The following PPA1 variants were observed in gnomAD, a reference collection of about 807,000 sequenced individuals.
PPA1 encodes the protein inorganic pyrophosphatase.
PPA1 carries 23 observed loss-of-function variants against 41.8 expected under a neutral mutation model. The ratio of observed to expected loss-of-function variants is 0.55; its 90% CI spans 0.40 to 0.78. The LOEUF is 0.78. PPA1 is among the 30% of genes least tolerant of loss of function. The pLI, the probability that PPA1 is intolerant of heterozygous loss-of-function variation, is 0.00. For synonymous variants in PPA1, 101 were observed against 116.8 expected, an observed-to-expected ratio of 0.86 and a Z score of 0.87; for missense variants, 320 against 361.6, an observed-to-expected ratio of 0.89 and a Z score of 0.93.
intron 2 of PPA1, among the ~76,000 whole-genome samples, chr10:70,220,700 TATATA>T (rs1840139263): frequency 8.8e-5 from 1 of 11,410 alleles, no homozygotes; most frequent in African/African-American, 6.5e-4. Context: ...AATTTATATA[TATATA>T]ATATATATAA....
At chr10:70,204,952 T>C (rs758871336) in intron 9 of PPA1, 37 bp from the exon 10 acceptor site, 4 of 1,504,566 alleles carry the variant, frequency 2.7e-6, no homozygotes, top group Non-Finnish European at 3.6e-6. Context: ...TAGTCTAATC[T>C]CATTTTTTAA....
At chr10:70,220,823 T>TATATATATAATTTTTATATATA (rs1491386923) in intron 2 of PPA1, among the ~76,000 whole-genome samples, 758 of 4,198 alleles carry the variant, frequency 0.18, 262 homozygotes, top group East Asian at 0.67. Context: ...TTATATATAT[T>TATATATATAATTTTTATATATA]ATATATATAA....
At chr10:70,209,713 A>C in intron 6 of PPA1, 28 bp from the exon 7 acceptor site, 1 of 1,555,612 alleles carries the variant, frequency 6.4e-7, no homozygotes, top group Non-Finnish European at 8.7e-7. Flanking sequence ...ATAAGATGAC[A>C]GTGAGAATGA....
At chr10:70,231,785 TA>T (rs756464646) in intron 1 of PPA1, among the ~76,000 whole-genome samples, 3 of 149,534 alleles carry the variant, frequency 2.0e-5, no homozygotes, top group Non-Finnish European at 4.4e-5. Context: ...TTCCACTTGA[TA>T]AAAACAGTTA....
intron 2 of PPA1, among the ~76,000 whole-genome samples, chr10:70,219,995 T>G (rs1840119236): frequency 6.6e-6 from 1 of 152,146 alleles, no homozygotes. Context: ...TGGCACAATC[T>G]TGGCTCACTG....
Position 70,213,515 on chromosome 10 carries a change from G to A in PPA1, c.459C>T (p.Asp153=). The change falls in exon 6 of 11, where the codon GAC becomes GAT. Residue 153 remains aspartate (D), a synonymous_variant. Transcript: ENST00000373232. ...ILAMIDEGET[D]WKVIAINVDD... is the part of the protein sequence containing the mutation. ...CCACATTAATGGCAATGACTTTCCAGTCGGTTTCCCCTTCGTCAATCATAG... is the reference window on the plus strand; with the variant it reads ...CCACATTAATGGCAATGACTTTCCAATCGGTTTCCCCTTCGTCAATCATAG... 3 of 1,614,008 alleles carry A rather than the reference G, an allele frequency of 1.9e-6. No homozygotes were observed. The highest frequency in any genetic ancestry group is 2.7e-5 in the African/African-American group (2 of 75,036).
At chr10:70,212,432 C>T (rs1840031588) in intron 6 of PPA1, among the ~76,000 whole-genome samples, 1 of 152,114 alleles carries the variant, frequency 6.6e-6, no homozygotes, top group South Asian at 2.1e-4. Context: ...ACCCAAATGT[C>T]CATCAACTGA....
chr10:70,223,216 A>AG (rs1389658676), intron 2 of PPA1, among the ~76,000 whole-genome samples: 2 of 70,936 alleles, frequency 2.8e-5, no homozygotes, highest in African/African-American at 1.2e-4. Flanking sequence ...ACATTTTTTT[A>AG]AAGAGAGAGA....
At chr10:70,230,625 G>A (rs1025220727) in intron 1 of PPA1, among the ~76,000 whole-genome samples, 5 of 151,930 alleles carry the variant, frequency 3.3e-5, no homozygotes, top group Admixed American at 6.6e-5. Flanking sequence ...GAGCCACTAC[G>A]TCTGGCTAAT....
chr10:70,214,567 T>C lies in PPA1; in HGVS notation c.317A>G (p.His106Arg). 2 of 1,613,582 alleles carry C rather than the reference T, an allele frequency of 1.2e-6. No homozygotes were observed. The highest frequency in any genetic ancestry group is 1.1e-5 in the South Asian group (1 of 91,058). ...AIPQTWEDPG[H>R]NDKHTGCCGD... ...ACAACAGCCAGTATGTTTATCATTGTGCCCTGGGTCTTCCCAAGTCTAAAA... is the reference window on the plus strand; with the variant it reads ...ACAACAGCCAGTATGTTTATCATTGCGCCCTGGGTCTTCCCAAGTCTAAAA... The change falls in exon 5 of 11, where the codon CAC (histidine) becomes CGC (arginine). Residue 106 changes from histidine (H) to arginine (R), a missense_variant. By Grantham distance (29) the His-to-Arg change is conservative. Coordinates refer to ENST00000373232, the MANE Select transcript of PPA1 (RefSeq NM_021129.4).
intron 8 of PPA1, among the ~76,000 whole-genome samples, chr10:70,206,611 T>C (rs1195901707): frequency 6.6e-6 from 1 of 151,762 alleles, no homozygotes; most frequent in Admixed American, 6.6e-5. Flanking sequence ...TTTGGGAGGC[T>C]GAGGCAGGCG....
intron 6 of PPA1, among the ~76,000 whole-genome samples, chr10:70,210,621 C>T (rs2136754617): frequency 6.6e-6 from 1 of 152,234 alleles, no homozygotes; most frequent in Middle Eastern, 3.4e-3. Flanking sequence ...AACTGCACTT[C>T]AAATAACAAA....
chr10:70,221,397 C>T (rs912488520), intron 2 of PPA1, among the ~76,000 whole-genome samples: 11 of 151,986 alleles, frequency 7.2e-5, no homozygotes, highest in South Asian at 4.2e-4. Flanking sequence ...TGCTCCAAGC[C>T]TCCTGATACC....
At position 70,233,370 on chromosome 10, in the gene PPA1, C is replaced by T. The variant is rs766104980; in HGVS notation, c.-43G>A. On this transcript the variant is annotated 5_prime_UTR_variant, in exon 1 of 11. Transcript: ENST00000373232. The stretch of plus-strand genomic sequence containing the variant: ...GCCGCCGCTGCCACAGAGCCACCAG[C>T]CCGCACGCGGCGCCGACTGACAAGG... The T allele has an allele frequency of 1.4e-4, 207 of 1,528,064 alleles. 1 individual carries two copies. In the Middle Eastern group the frequency reaches 2.0e-3, roughly 15 times the overall value. 94.7% of individuals were successfully genotyped at this position (1,528,064 alleles called of 1,614,324 possible). A position where few individuals can be genotyped will look rare whatever the true frequency, so the allele number is the denominator to read the frequency against.
intron 2 of PPA1, among the ~76,000 whole-genome samples, chr10:70,221,068 A>AATATATATATAAAT (rs1472749958): frequency 1.2e-4 from 2 of 16,074 alleles, no homozygotes; most frequent in African/African-American, 9.2e-4. Flanking sequence ...TTATATATAT[A>AATATATATATAAAT]TATATATATT....
At chr10:70,221,443 G>A (rs1282136118) in intron 2 of PPA1, among the ~76,000 whole-genome samples, 2 of 151,916 alleles carry the variant, frequency 1.3e-5, no homozygotes, top group African/African-American at 4.8e-5. Context: ...CCAAAAGAAT[G>A]GAGATATTAC....
At chr10:70,230,598 G>A (rs1292892180) in intron 1 of PPA1, among the ~76,000 whole-genome samples, 199 bp from the exon 2 acceptor site, 1 of 151,940 alleles carries the variant, frequency 6.6e-6, no homozygotes, top group Admixed American at 6.6e-5. Flanking sequence ...CTCCTGAGCC[G>A]CTGGAACTAC....
At chr10:70,211,053 G>A (rs888210062) in intron 6 of PPA1, among the ~76,000 whole-genome samples, 19 of 152,112 alleles carry the variant, frequency 1.2e-4, no homozygotes, top group Non-Finnish European at 1.8e-4. Context: ...GTGAGCCACC[G>A]CGCCCGGCCG....
intron 2 of PPA1, among the ~76,000 whole-genome samples, chr10:70,228,925 C>T (rs1036334064): frequency 2.0e-5 from 3 of 152,210 alleles, no homozygotes; most frequent in South Asian, 2.1e-4. Flanking sequence ...TTATTCTAGA[C>T]GTGCACTGCA....
Sources: allele counts gnomAD v4.1 joint callset (sites outside exome capture counted in the v4.1 genomes callset), GRCh38; gene constraint gnomAD v4.1.1; transcripts MANE v1.5; gene names NCBI Gene and HGNC (gene_info 2026-07-23, HGNC 2026-07-21).